Variants in CNBD1 observed in about 807,000 individuals in gnomAD.
The protein encoded by CNBD1 is cyclic nucleotide-binding domain-containing protein 1.
A neutral mutation model predicts 54.4 loss-of-function variants in CNBD1; 71 were observed. The observed-to-expected ratio is 1.30, with a 90% CI of 1.08 to 1.59. The LOEUF (loss-of-function observed/expected upper bound fraction) is 1.59. Among genes scored for constraint, CNBD1 ranks in the 40% most tolerant of loss-of-function variants. The probability of loss-of-function intolerance (pLI) is 0.00; values close to 1 mark genes in which losing one functional copy is unlikely to be tolerated. For missense variants in CNBD1, 659 were observed against 518.0 expected (o/e 1.27, Z -2.64); for synonymous variants, 182 against 170.7 (o/e 1.07, Z -0.51).
intron 10 of CNBD1, among the ~76,000 whole-genome samples, chr8:87,370,817 A>T (rs1406082944): frequency 1.3e-5 from 2 of 149,982 alleles, no homozygotes; most frequent in Non-Finnish European, 3.0e-5. Context: ...CTATGTCCTG[A>T]ATGGTAATGC....
At chr8:86,953,319 G>T (rs1351089590) in intron 4 of CNBD1, among the ~76,000 whole-genome samples, 1 of 152,122 alleles carries the variant, frequency 6.6e-6, no homozygotes, top group Non-Finnish European at 1.5e-5. Context: ...TTTTCAAAAT[G>T]GTTGTATCAT....
At chr8:87,137,086 T>C (rs560714290) in intron 4 of CNBD1, among the ~76,000 whole-genome samples, 3,364 of 114,030 alleles carry the variant, frequency 0.03, 89 homozygotes, top group Middle Eastern at 0.066. Context: ...AAATTATATA[T>C]ATTTATATTA....
intron 4 of CNBD1, among the ~76,000 whole-genome samples, chr8:87,180,910 A>G (rs184318301): frequency 5.3e-4 from 81 of 152,292 alleles, no homozygotes; most frequent in African/African-American, 1.8e-3. Context: ...TGCTGTAAAC[A>G]AGTATCGAGG....
chr8:86,903,863 GA>G (rs1041989565), intron 2 of CNBD1, among the ~76,000 whole-genome samples: 1 of 23,484 alleles, frequency 4.3e-5, no homozygotes, highest in Non-Finnish European at 6.8e-5. Flanking sequence ...GTTACAAACA[GA>G]ATTTTTTTTT....
intron 8 of CNBD1, among the ~76,000 whole-genome samples, chr8:87,328,349 A>G (rs939939397): frequency 9.9e-5 from 15 of 151,666 alleles, no homozygotes; most frequent in African/African-American, 1.9e-4. Context: ...ATTTTGTTTA[A>G]TCTTTTAACT....
Position 87,409,971 on chromosome 8 carries a change from C to T in CNBD1, c.214-18575C>T, listed in dbSNP as rs1024388280. 9.2e-5 allele frequency among the ~76,000 whole-genome samples: 14 copies of T among 151,588 alleles called. 1 individual carries two copies. The highest frequency in any genetic ancestry group is 5.9e-4 in the East Asian group (3 of 5,122). Reference sequence around the variant, plus strand: ...CCAGGAGAGGGAGGTTGTAGTGAGCCGAGATAGTGCCACTGCACTCCAGCC... The same window carrying T: ...CCAGGAGAGGGAGGTTGTAGTGAGCTGAGATAGTGCCACTGCACTCCAGCC... On this transcript the variant is annotated intron_variant, in intron 2 of 7. Coordinates refer to the CNBD1 transcript ENST00000521593.
intron 8 of CNBD1, among the ~76,000 whole-genome samples, chr8:87,325,683 G>T: frequency 2.9e-5 from 4 of 139,294 alleles, no homozygotes; most frequent in African/African-American, 5.6e-5. Flanking sequence ...CTTTTATTTT[G>T]AGCCCATGTG....
At chr8:87,212,744 A>C (rs1448761047) in intron 5 of CNBD1, among the ~76,000 whole-genome samples, 4 of 152,212 alleles carry the variant, frequency 2.6e-5, no homozygotes, top group Non-Finnish European at 5.9e-5. Context: ...AATTAAAACT[A>C]TAAAACTTTT....
intron 4 of CNBD1, among the ~76,000 whole-genome samples, chr8:87,156,412 A>AT (rs1203845497): frequency 2.7e-5 from 4 of 150,278 alleles, no homozygotes; most frequent in Non-Finnish European, 4.4e-5. Flanking sequence ...ACCCGGCTAC[A>AT]TTTTTTTATT....
intron 6 of CNBD1, among the ~76,000 whole-genome samples, chr8:87,241,597 A>G (rs1807710338): frequency 6.6e-6 from 1 of 152,130 alleles, no homozygotes; most frequent in South Asian, 2.1e-4. Context: ...AATGGATAAC[A>G]ATGAAAGTGT....
In CNBD1 at chr8:87,303,332, G is replaced by A. The variant is rs543381297; in HGVS notation, c.1042+16661G>A. Among the ~76,000 whole-genome samples, 901 of 151,822 alleles carry A rather than the reference G, an allele frequency of 5.9e-3. 8 individuals are homozygous for A. The highest frequency in any genetic ancestry group is 0.02 in the African/African-American group (813 of 41,316). ...GAACAGAGCCCTCAGAAATAATGCC[G>A]CATATCTACAAACATCTGATCTTTG... On this transcript the variant is annotated intron_variant, in intron 8 of 10. Transcript: ENST00000518476.
intron 4 of CNBD1, among the ~76,000 whole-genome samples, chr8:87,180,585 T>C (rs955914453): frequency 9.2e-5 from 14 of 152,294 alleles, no homozygotes; most frequent in Admixed American, 2.6e-4. Context: ...AATTTACATA[T>C]TTTTGTTATA....
intron 8 of CNBD1, among the ~76,000 whole-genome samples, chr8:87,324,342 C>G (rs1382042459): frequency 7.9e-6 from 1 of 126,458 alleles, no homozygotes; most frequent in East Asian, 2.0e-4. Context: ...AGGATTCCCT[C>G]TTTTTCTATT....
At chr8:87,114,167 T>A (rs868310014) in intron 4 of CNBD1, among the ~76,000 whole-genome samples, 1 of 152,328 alleles carries the variant, frequency 6.6e-6, no homozygotes, top group Admixed American at 6.5e-5. Flanking sequence ...AAATGATACA[T>A]GTGCATTAAA....
chr8:86,960,605 C>T (rs1425300361), intron 4 of CNBD1, among the ~76,000 whole-genome samples: 1 of 152,216 alleles, frequency 6.6e-6, no homozygotes, highest in Non-Finnish European at 1.5e-5. Flanking sequence ...CAGACTTAAA[C>T]GTCCCTGTCT....
chr8:87,251,719 G>T (rs1337657365), intron 6 of CNBD1, among the ~76,000 whole-genome samples: 12 of 151,530 alleles, frequency 7.9e-5, no homozygotes, highest in African/African-American at 2.7e-4. Context: ...ATTTCATCAC[G>T]CTATTTTTCT....
chr8:87,190,768 G>A (rs979875352), intron 4 of CNBD1, among the ~76,000 whole-genome samples: 1 of 151,614 alleles, frequency 6.6e-6, no homozygotes, highest in Non-Finnish European at 1.5e-5. Flanking sequence ...CTATAGTCAT[G>A]TGTTTTTCCT....
At chr8:86,999,870 C>A (rs1057270226) in intron 4 of CNBD1, among the ~76,000 whole-genome samples, 3 of 152,204 alleles carry the variant, frequency 2.0e-5, no homozygotes, top group African/African-American at 7.2e-5. Flanking sequence ...TGGACATTGG[C>A]CCATGGGGCA....
intron 4 of CNBD1, among the ~76,000 whole-genome samples, chr8:87,019,338 C>T (rs958367055): frequency 2.6e-5 from 4 of 152,062 alleles, no homozygotes; most frequent in African/African-American, 9.7e-5. Flanking sequence ...CTCTTAAGGC[C>T]CTCAGCTATA....
Sources: gnomAD v4.1 joint callset for allele counts (sites outside exome capture counted in the v4.1 genomes callset) on GRCh38, gnomAD v4.1.1 for gene constraint, MANE v1.5 for transcripts, NCBI Gene and HGNC (gene_info 2026-07-23, HGNC 2026-07-21) for gene names.